TRPM7: variants seen among roughly 807,000 people sequenced by gnomAD.
TRPM7 encodes the protein transient receptor potential cation channel subfamily M member 7.
A neutral mutation model predicts 229.7 loss-of-function variants in TRPM7; 134 were observed. That is an observed-to-expected ratio of 0.58 (90% CI 0.51 to 0.67). The LOEUF is 0.67. Ranked by LOEUF, TRPM7 falls within the 30% of genes least tolerant of loss-of-function variation. The probability of loss-of-function intolerance (pLI) is 0.00; values close to 1 mark genes in which losing one functional copy is unlikely to be tolerated. For synonymous variants in TRPM7, 699 were observed against 715.2 expected (o/e 0.98, Z 0.36); for missense variants, 1,901 against 2,210.0 (o/e 0.86, Z 2.80).
chr15:50,574,102 T>G (rs2054023111), intron 36 of TRPM7, among the ~76,000 whole-genome samples, 172 bp downstream of exon 36: 4 of 152,170 alleles, frequency 2.6e-5, no homozygotes, highest in Admixed American at 2.0e-4. Flanking sequence ...AGCCAGATTC[T>G]ATTACTCAAG....
intron 23 of TRPM7, 117 bp from the exon 24 acceptor site, chr15:50,594,730 G>A: frequency 1.4e-6 from 1 of 711,914 alleles, no homozygotes; most frequent in African/African-American, 1.8e-5. Flanking sequence ...ATATCCTTCT[G>A]TAAACAAAAC....
chr15:50,587,364 T>C (rs1292548022), intron 27 of TRPM7, among the ~76,000 whole-genome samples: 1 of 151,672 alleles, frequency 6.6e-6, no homozygotes, highest in Non-Finnish European at 1.5e-5. Context: ...TATTTATGTG[T>C]TTGGAAAGCC....
rs558293480 is a variant in TRPM7 at position 50,567,165 on chromosome 15, T to G, written c.5467+2722A>C. 3.9e-5 allele frequency among the ~76,000 whole-genome samples: 6 copies of G among 152,222 alleles called. No homozygotes were observed. In the East Asian group the frequency reaches 1.2e-3, roughly 29 times the overall value. On this transcript the variant is annotated intron_variant, in intron 38 of 38. Transcript: ENST00000646667. ...AAATGCTTAGTTTATTTTTTTATTT[T>G]TTATTTTTAAAATTATTTTTTATTA...
chr15:50,567,470 A>G (rs970181143), intron 38 of TRPM7, among the ~76,000 whole-genome samples: 1 of 152,202 alleles, frequency 6.6e-6, no homozygotes, highest in African/African-American at 2.4e-5. Context: ...AACTTATTTT[A>G]TAAGTATTAT....
chr15:50,563,232 C>T (rs2053408965), intron 38 of TRPM7, among the ~76,000 whole-genome samples: 1 of 152,220 alleles, frequency 6.6e-6, no homozygotes, highest in South Asian at 2.1e-4. Context: ...AACTGTGTAG[C>T]TGGGACAGAC....
chr15:50,593,659 A>G lies in TRPM7; in HGVS notation c.3566T>C (p.Phe1189Ser). 1 of 1,612,106 alleles carries G rather than the reference A, an allele frequency of 6.2e-7. No homozygotes were observed. The highest frequency in any genetic ancestry group is 8.5e-7 in the Non-Finnish European group (1 of 1,179,432). ...EMYFNEKDDK[F>S]HSGSEERIRV... ...AATTCTCTCTTCACTCCCAGAATGA[A>G]ATTTGTCATCTTTTTCATTGAAATA... The change falls in exon 25 of 39, where the codon TTT (phenylalanine) becomes TCT (serine). Residue 1189 changes from phenylalanine (F) to serine (S), a missense_variant. By Grantham distance (155) the Phe-to-Ser change is radical (BLOSUM62 -2). Coordinates refer to ENST00000646667, the MANE Select transcript of TRPM7 (RefSeq NM_017672.6).
intron 36 of TRPM7, among the ~76,000 whole-genome samples, chr15:50,571,114 A>G (rs2053864710): frequency 2.0e-5 from 3 of 152,226 alleles, no homozygotes; most frequent in Admixed American, 2.0e-4. Flanking sequence ...AATCACAAAT[A>G]TTTAACCCAT....
At chr15:50,670,696 TA>T (rs1222357863) in intron 1 of TRPM7, among the ~76,000 whole-genome samples, 2 of 150,584 alleles carry the variant, frequency 1.3e-5, no homozygotes, top group East Asian at 3.9e-4. Context: ...GAAATAACCA[TA>T]AAAGTGGGCA....
At chr15:50,633,220 T>C (rs2060790559) in intron 8 of TRPM7, among the ~76,000 whole-genome samples, 1 of 152,192 alleles carries the variant, frequency 6.6e-6, no homozygotes, top group Admixed American at 6.5e-5. Context: ...GTGAATTTTA[T>C]CAAAAAGTAT....
At chr15:50,638,163 T>G (rs2060966243) in intron 6 of TRPM7, among the ~76,000 whole-genome samples, 1 of 151,102 alleles carries the variant, frequency 6.6e-6, no homozygotes, top group Non-Finnish European at 1.5e-5. Context: ...ATCGAGACCA[T>G]CCTGGCTAAC....
intron 1 of TRPM7, among the ~76,000 whole-genome samples, chr15:50,684,933 C>T (rs2062324204): frequency 6.6e-6 from 1 of 152,120 alleles, no homozygotes; most frequent in East Asian, 1.9e-4. Context: ...TTTAATGATA[C>T]TAAGCAATTA....
intron 30 of TRPM7, among the ~76,000 whole-genome samples, chr15:50,580,024 T>C (rs1185576811): frequency 6.6e-6 from 1 of 152,176 alleles, no homozygotes; most frequent in African/African-American, 2.4e-5. Flanking sequence ...TCCACCCACC[T>C]TGGCCTCCCA....
At chr15:50,649,643 G>C (rs1278359457) in intron 3 of TRPM7, among the ~76,000 whole-genome samples, 1 of 152,114 alleles carries the variant, frequency 6.6e-6, no homozygotes, top group Admixed American at 6.6e-5. Flanking sequence ...AGTGACAAAA[G>C]GGTGATCAAT....
At chr15:50,663,128 CA>C (rs1313138979) in intron 1 of TRPM7, 82 bp from the exon 2 acceptor site, 2 of 1,087,330 alleles carry the variant, frequency 1.8e-6, no homozygotes, top group Admixed American at 4.3e-5. Context: ...AACACATAAA[CA>C]GTTCTTTTTT....
intron 8 of TRPM7, among the ~76,000 whole-genome samples, chr15:50,634,078 G>A (rs1596262305): frequency 6.6e-6 from 1 of 152,244 alleles, no homozygotes; most frequent in East Asian, 1.9e-4. Context: ...CAGCACTTTG[G>A]GAGGCTGAGG....
At position 50,575,934 on chromosome 15, in the gene TRPM7, A is replaced by G. The variant is rs1464118353; in HGVS notation, c.4619-15T>C. 5.6e-6 allele frequency: 9 copies of G among 1,612,420 alleles called. No individual in the cohort carries two copies. On this transcript the variant is annotated splice_polypyrimidine_tract_variant and intron_variant, in intron 31 of 38. Transcript: ENST00000646667. ...AGAAGTGAGACCTAGAATGGCAAAT[A>G]AACAAACGAGACCATTTAAAAAGTA...
chr15:50,620,930 C>T (rs1034444538), intron 12 of TRPM7, among the ~76,000 whole-genome samples: 1 of 114,986 alleles, frequency 8.7e-6, no homozygotes. Context: ...GAAACTCCAT[C>T]CCCCAAAAAA....
chr15:50,579,329 G>T (rs545580989), intron 30 of TRPM7, among the ~76,000 whole-genome samples: 2 of 152,320 alleles, frequency 1.3e-5, no homozygotes, highest in East Asian at 3.9e-4. Flanking sequence ...GAAAGGACCA[G>T]ATCCAGAAAG....
intron 7 of TRPM7, among the ~76,000 whole-genome samples, chr15:50,636,341 C>T (rs918008508): frequency 6.6e-6 from 1 of 152,030 alleles, no homozygotes; most frequent in African/African-American, 2.4e-5. Context: ...CAAGCACACG[C>T]CACCACGCTC....
Sources: gnomAD v4.1 joint callset for allele counts (sites outside exome capture counted in the v4.1 genomes callset) on GRCh38, gnomAD v4.1.1 for gene constraint, MANE v1.5 for transcripts, NCBI Gene and HGNC (gene_info 2026-07-23, HGNC 2026-07-21) for gene names.